RBMS3: variants seen among roughly 807,000 people sequenced by gnomAD.
RBMS3 encodes RNA binding motif single stranded interacting protein 3.
A neutral mutation model predicts 66.8 loss-of-function variants in RBMS3; 27 were observed. That is an observed-to-expected ratio of 0.40 (90% CI 0.30 to 0.56). The LOEUF (loss-of-function observed/expected upper bound fraction) is 0.56, where lower values mean the gene tolerates loss of function less well. Ranked by LOEUF, RBMS3 falls within the 20% of genes least tolerant of loss-of-function variation. RBMS3 has a pLI of 0.40. For missense variants in RBMS3, 513 were observed against 549.5 expected (o/e 0.93, Z 0.66); for synonymous variants, 188 against 183.0 (o/e 1.03, Z -0.22).
chr3:29,323,724 A>ACCCC (rs1037337622), intron 1 of RBMS3, among the ~76,000 whole-genome samples: 2 of 140,482 alleles, frequency 1.4e-5, no homozygotes, highest in Non-Finnish European at 3.2e-5. Flanking sequence ...ACACACACAC[A>ACCCC]CACCCCTTGG....
At chr3:29,458,682 G>A (rs2042273496) in intron 2 of RBMS3, among the ~76,000 whole-genome samples, 1 of 152,118 alleles carries the variant, frequency 6.6e-6, no homozygotes, top group South Asian at 2.1e-4. Flanking sequence ...ATTAAATACA[G>A]GGATGGGATA....
At chr3:29,689,543 T>G (rs1164604249) in intron 4 of RBMS3, among the ~76,000 whole-genome samples, 3 of 152,078 alleles carry the variant, frequency 2.0e-5, no homozygotes, top group Non-Finnish European at 2.9e-5. Flanking sequence ...AGTATTTTAT[T>G]AGAGAAAGTT....
Position 29,887,060 on chromosome 3 carries a change from C to A in RBMS3, c.791+2852C>A, listed in dbSNP as rs541723914. Among the ~76,000 whole-genome samples, 6 of 151,886 alleles carry A rather than the reference C, an allele frequency of 4.0e-5. No individual in the cohort carries two copies. The South Asian group carries it at 1.0e-3, about 26-fold the overall frequency. On this transcript the variant is annotated intron_variant, in intron 8 of 14. Coordinates refer to ENST00000383767, the MANE Select transcript of RBMS3 (RefSeq NM_001003793.3). ...TTAAAAGTATTTTATTACTTATATA[C>A]CATAAGCACCCATTGGTGAACTGCA...
intron 4 of RBMS3, among the ~76,000 whole-genome samples, chr3:29,730,535 T>A (rs549936282): frequency 6.6e-6 from 1 of 152,164 alleles, no homozygotes; most frequent in African/African-American, 2.4e-5. Flanking sequence ...TCAGAAGTAA[T>A]TAGTAGTGTA....
intron 10 of RBMS3, chr3:29,924,885 G>A (rs562324745): frequency 6.6e-6 from 1 of 152,110 alleles, no homozygotes; most frequent in African/African-American, 2.4e-5. Context: ...CAGATTTAAA[G>A]GAATTTGTGA....
chr3:29,482,701 CTTTTTTTTTTTT>C (rs755520785), intron 2 of RBMS3, among the ~76,000 whole-genome samples: 2 of 77,512 alleles, frequency 2.6e-5, no homozygotes, highest in Admixed American at 1.9e-4. Flanking sequence ...TTCTTTCTTT[CTTTTTTTTTTTT>C]TTTTTTTTTT....
intron 6 of RBMS3, among the ~76,000 whole-genome samples, chr3:29,800,801 T>A (rs1414531240): frequency 7.0e-6 from 1 of 142,554 alleles, no homozygotes; most frequent in Admixed American, 7.1e-5. Context: ...TAGAAACTAG[T>A]CTCTGAGAAC....
At chr3:29,456,897 G>A (rs535298992) in intron 2 of RBMS3, among the ~76,000 whole-genome samples, 1 of 152,144 alleles carries the variant, frequency 6.6e-6, no homozygotes, top group Non-Finnish European at 1.5e-5. Context: ...ACACAAGGAG[G>A]CTGGACATAA....
intron 1 of RBMS3, among the ~76,000 whole-genome samples, chr3:29,317,228 G>A (rs1474291648): frequency 1.3e-5 from 2 of 151,698 alleles, no homozygotes; most frequent in Admixed American, 6.6e-5. Context: ...TTTGGCTTAG[G>A]TAAACCAAGC....
In RBMS3 at chr3:29,384,437, A is replaced by ATAAT. The variant is rs201736080; in HGVS notation, c.76-50306_76-50305insTAAT. Among the ~76,000 whole-genome samples the ATAAT allele has an allele frequency of 4.8e-5, 4 of 83,720 alleles. No homozygotes were observed. In the East Asian group the frequency reaches 1.1e-3, roughly 23 times the overall value. The allele number at this position is 83,720 out of a possible 152,430, so 54.9% of individuals were successfully genotyped here. On this transcript the variant is annotated intron_variant, in intron 1 of 14. Coordinates refer to ENST00000383767, the MANE Select transcript of RBMS3 (RefSeq NM_001003793.3). ...TACACCAATAATAATAATAATAATA[A>ATAAT]GAAGAAGAAGAAGAAGAAGAAGAAG...
At chr3:29,623,090 G>T (rs2048929154) in intron 4 of RBMS3, among the ~76,000 whole-genome samples, 2 of 124,294 alleles carry the variant, frequency 1.6e-5, no homozygotes, top group Non-Finnish European at 3.2e-5. Flanking sequence ...CAGCCTGGGA[G>T]AAAGACTCCC....
At chr3:29,671,375 C>T (rs1271470303) in intron 4 of RBMS3, among the ~76,000 whole-genome samples, 1 of 152,188 alleles carries the variant, frequency 6.6e-6, no homozygotes, top group Non-Finnish European at 1.5e-5. Flanking sequence ...GCCTCTTCTC[C>T]TCCAAACGAA....
chr3:29,808,540 G>A (rs1282463009), intron 6 of RBMS3, among the ~76,000 whole-genome samples: 7 of 151,874 alleles, frequency 4.6e-5, no homozygotes, highest in Admixed American at 1.3e-4. Flanking sequence ...TTTCCTCCCT[G>A]GCGGGAAGAA....
At chr3:29,661,578 C>A (rs186331180) in intron 4 of RBMS3, among the ~76,000 whole-genome samples, 7 of 152,112 alleles carry the variant, frequency 4.6e-5, no homozygotes, top group Admixed American at 3.3e-4. Flanking sequence ...CTTAATTGTC[C>A]TTTTAACTAT....
chr3:29,888,987 G>A (rs1406219230), intron 8 of RBMS3, among the ~76,000 whole-genome samples: 1 of 151,470 alleles, frequency 6.6e-6, no homozygotes, highest in African/African-American at 2.4e-5. Flanking sequence ...ATTAATTTTT[G>A]AATAATTTTT....
intron 3 of RBMS3, among the ~76,000 whole-genome samples, chr3:29,527,337 A>G (rs1013549898): frequency 6.6e-5 from 10 of 152,180 alleles, no homozygotes; most frequent in African/African-American, 2.2e-4. Context: ...AAACAAGTAA[A>G]GTCCTAAAGT....
chr3:29,819,971 G>T (rs1000231717), intron 6 of RBMS3, among the ~76,000 whole-genome samples: 5 of 151,976 alleles, frequency 3.3e-5, no homozygotes, highest in African/African-American at 1.2e-4. Context: ...AGTGCAGGTG[G>T]ATCACTTGAG....
At chr3:29,936,319 A>G in intron 11 of RBMS3, 123 bp downstream of exon 11, 1 of 919,514 alleles carries the variant, frequency 1.1e-6, no homozygotes, top group Non-Finnish European at 1.7e-6. Flanking sequence ...CACATCTTTC[A>G]GGTTTCAGTA....
At chr3:29,322,622 A>C (rs1456391727) in intron 1 of RBMS3, among the ~76,000 whole-genome samples, 1 of 144,872 alleles carries the variant, frequency 6.9e-6, no homozygotes, top group East Asian at 2.0e-4. Flanking sequence ...GTTTTCACAT[A>C]CGAAAAAAAA....
Sources: allele counts gnomAD v4.1 joint callset (sites outside exome capture counted in the v4.1 genomes callset), GRCh38; gene constraint gnomAD v4.1.1; transcripts MANE v1.5; gene names NCBI Gene and HGNC (gene_info 2026-07-23, HGNC 2026-07-21).